COL4A6: variants seen among roughly 807,000 people sequenced by gnomAD.
COL4A6 encodes the protein collagen alpha-6(IV) chain.
In COL4A6, 59 loss-of-function variants were observed where a neutral mutation model predicts 126.7. The observed-to-expected ratio is 0.47, with a 90% confidence interval of 0.38 to 0.58. The LOEUF is 0.58. Ranked by LOEUF, COL4A6 falls within the 20% of genes least tolerant of loss-of-function variation. The pLI is 0.00. For missense variants in COL4A6, 1,285 were observed against 1,337.3 expected, an observed-to-expected ratio of 0.96 and a Z score of 0.61; for synonymous variants, 547 against 496.6, an observed-to-expected ratio of 1.10 and a Z score of -1.35.
intron 2 of COL4A6, among the ~76,000 whole-genome samples, chrX:108,415,908 G>A (rs1414637202): frequency 8.9e-6 from 1 of 112,181 alleles, no homozygotes; most frequent in African/African-American, 3.2e-5. Context: ...AATAAGCACA[G>A]GAAAAATAAA....
intron 2 of COL4A6, among the ~76,000 whole-genome samples, chrX:108,377,038 A>C (rs1412174373): frequency 8.9e-6 from 1 of 112,751 alleles, no homozygotes; most frequent in African/African-American, 3.2e-5. Flanking sequence ...GAGTTCCCTT[A>C]GTATTTGTTG....
At chrX:108,350,349 C>A (rs1474415936) in intron 2 of COL4A6, among the ~76,000 whole-genome samples, 1 of 111,011 alleles carries the variant, frequency 9.0e-6, no homozygotes, top group African/African-American at 3.3e-5. Flanking sequence ...TCTTGTAGGG[C>A]AGTGATTCTC....
intron 3 of COL4A6, among the ~76,000 whole-genome samples, chrX:108,251,453 G>A (rs1346280859): frequency 9.0e-6 from 1 of 111,461 alleles, no homozygotes; most frequent in Admixed American, 9.5e-5. Context: ...CTTCCTCAGA[G>A]AGGCCTAAAC....
At chrX:108,320,911 A>G (rs2039011353) in intron 2 of COL4A6, among the ~76,000 whole-genome samples, 1 of 112,018 alleles carries the variant, frequency 8.9e-6, no homozygotes, top group Admixed American at 9.4e-5. Context: ...CGTATGCAAC[A>G]TTACAATGAT....
intron 2 of COL4A6, among the ~76,000 whole-genome samples, chrX:108,363,876 CT>C (rs972384309): frequency 3.7e-5 from 4 of 109,579 alleles, no homozygotes; most frequent in Middle Eastern, 4.7e-3. Context: ...AGCCCCCCAC[CT>C]TTTTTTTTCT....
chrX:108,170,681 C>A lies in COL4A6; in HGVS notation c.3421G>T (p.Gly1141Ter). Residue 1141 changes from glycine to a stop codon, truncating the protein, a stop_gained, in exon 35 of 45, where the codon GGA (glycine) becomes TGA (stop). Coordinates refer to ENST00000334504, the MANE Select transcript of COL4A6 (RefSeq NM_033641.4). LOFTEE classifies it high-confidence loss of function. ...PGVAGMRGEP[G>*]LPGSSGHQGA... ...TGGTGACCAGAAGAACCTGGAAGTC[C>A]TGGTTCTCCTCTCATGCCGGCAACT... is the stretch of plus-strand genomic sequence containing the variant. 8.3e-7 allele frequency: 1 copy of A among 1,206,443 alleles called. No homozygotes were observed. The highest frequency in any genetic ancestry group is 1.1e-6 in the Non-Finnish European group (1 of 893,723).
intron 2 of COL4A6, among the ~76,000 whole-genome samples, chrX:108,380,962 T>C (rs1486441371): frequency 8.9e-6 from 1 of 111,745 alleles, no homozygotes; most frequent in Non-Finnish European, 1.9e-5. Flanking sequence ...GTGAGCATTA[T>C]TATTATTAGA....
At chrX:108,360,067 TACTACCA>T (rs2040049096) in intron 2 of COL4A6, among the ~76,000 whole-genome samples, 1 of 111,761 alleles carries the variant, frequency 8.9e-6, no homozygotes, top group South Asian at 3.7e-4. Context: ...GTCTGTGCAG[TACTACCA>T]ACTAATCTTC....
At chrX:108,290,266 G>A in intron 3 of COL4A6, among the ~76,000 whole-genome samples, 1 of 112,022 alleles carries the variant, frequency 8.9e-6, no homozygotes, top group Non-Finnish European at 1.9e-5. Context: ...CATCCAAAAA[G>A]GCTTTCTACT....
At chrX:108,176,779 C>A (rs2148108762) in intron 28 of COL4A6, 62 bp downstream of exon 28, 1 of 1,094,304 alleles carries the variant, frequency 9.1e-7, no homozygotes, top group Non-Finnish European at 1.2e-6. Flanking sequence ...AAGGAGCAAG[C>A]TGCGCAGCTG....
At chrX:108,358,392 C>CTT (rs34175473) in intron 2 of COL4A6, among the ~76,000 whole-genome samples, 9 of 95,463 alleles carry the variant, frequency 9.4e-5, no homozygotes, top group Admixed American at 3.4e-4. Flanking sequence ...AGGATAATGA[C>CTT]TTTTTTTTTT....
At chrX:108,379,040 A>G (rs1416965137) in intron 2 of COL4A6, among the ~76,000 whole-genome samples, 1 of 112,065 alleles carries the variant, frequency 8.9e-6, no homozygotes, top group Non-Finnish European at 1.9e-5. Flanking sequence ...ACAGTCACCT[A>G]TTTCCTCCAT....
At chrX:108,394,160 C>G (rs1214723759) in intron 2 of COL4A6, among the ~76,000 whole-genome samples, 1 of 111,468 alleles carries the variant, frequency 9.0e-6, no homozygotes. Flanking sequence ...TCATTCTCAG[C>G]AAACTAACAC....
rs754744392 is a variant in COL4A6 at position 108,157,021 on chromosome X, C to G, written c.5052G>C (p.Gln1684His). 2 of 1,209,345 alleles carry G rather than the reference C, an allele frequency of 1.7e-6. No individual in the cohort carries two copies. Among genetic ancestry groups the G allele is most frequent in the East Asian group, 3.0e-5 (1 of 33,743 alleles). ...CACCCTACAGGCTTTTCATACACAC[C>G]TGGCAGCGACTGACTCGAGTGTGGA... ...GQLHTRVSRC[Q>H]VCMKSL Residue 1684 changes from glutamine to histidine, a missense_variant, in exon 45 of 45, where the codon CAG becomes CAC. Transcript: ENST00000334504.
intron 3 of COL4A6, among the ~76,000 whole-genome samples, chrX:108,227,048 C>A (rs966337294): frequency 1.8e-5 from 2 of 111,660 alleles, no homozygotes; most frequent in East Asian, 2.8e-4. Context: ...GGGCTCTAAC[C>A]AAGATATCAG....
chrX:108,388,155 A>G (rs757860760), intron 2 of COL4A6, among the ~76,000 whole-genome samples: 16 of 112,040 alleles, frequency 1.4e-4, no homozygotes, highest in Admixed American at 4.7e-4. Flanking sequence ...AAAGTTCATC[A>G]GGGATATTGC....
chrX:108,162,792 T>C (rs1723648599), intron 41 of COL4A6, 100 bp downstream of exon 41: 14 of 921,606 alleles, frequency 1.5e-5, no homozygotes, highest in Non-Finnish European at 2.0e-5. Flanking sequence ...GAGGCAACGC[T>C]TGATGAAGAC....
chrX:108,343,346 G>T (rs749790063), intron 2 of COL4A6, among the ~76,000 whole-genome samples: 1 of 108,649 alleles, frequency 9.2e-6, no homozygotes, highest in African/African-American at 3.4e-5. Flanking sequence ...GGCAAGATCC[G>T]AGATGTATAG....
intron 2 of COL4A6, among the ~76,000 whole-genome samples, chrX:108,320,354 A>G (rs1228953980): frequency 1.8e-5 from 2 of 111,618 alleles, no homozygotes; most frequent in Non-Finnish European, 3.8e-5. Context: ...ACGTGGATAC[A>G]TATGAAGATT....
Sources: gnomAD v4.1 joint callset for allele counts (sites outside exome capture counted in the v4.1 genomes callset) on GRCh38, gnomAD v4.1.1 for gene constraint, MANE v1.5 for transcripts, NCBI Gene and HGNC (gene_info 2026-07-23, HGNC 2026-07-21) for gene names.